IL1RAPL1: variants seen among roughly 807,000 people sequenced by gnomAD.
IL1RAPL1 encodes interleukin 1 receptor accessory protein like 1, also known as interleukin-1 receptor accessory protein-like 1.
Under a neutral mutation model 48.4 loss-of-function variants are expected in IL1RAPL1, and 3 were observed. That is an observed-to-expected ratio of 0.06 (90% CI 0.03 to 0.16). The LOEUF (loss-of-function observed/expected upper bound fraction) is 0.16. Ranked by LOEUF, IL1RAPL1 falls within the 10% of genes least tolerant of loss-of-function variation. The probability of loss-of-function intolerance (pLI) is 1.00; values close to 1 mark genes in which losing one functional copy is unlikely to be tolerated. For synonymous variants in IL1RAPL1, 185 were observed against 187.7 expected (o/e 0.99, Z 0.12); for missense variants, 349 against 530.6 (o/e 0.66, Z 3.36).
intron 6 of IL1RAPL1, among the ~76,000 whole-genome samples, chrX:29,874,032 A>C (rs1931855384): frequency 8.9e-6 from 1 of 111,797 alleles, no homozygotes; most frequent in South Asian, 3.7e-4. Context: ...TCTTCCCACT[A>C]ATTTGCTTGC....
chrX:29,907,233 GAC>G (rs942136518), intron 6 of IL1RAPL1, among the ~76,000 whole-genome samples: 17 of 110,776 alleles, frequency 1.5e-4, no homozygotes, highest in African/African-American at 5.2e-4. Context: ...AGCATACCCA[GAC>G]ACACATTAAA....
At position 29,603,416 on chromosome X, in the gene IL1RAPL1, A is replaced by G. The variant is rs764382112; in HGVS notation, c.704-65014A>G. 4.2e-4 allele frequency among the ~76,000 whole-genome samples: 47 copies of G among 112,251 alleles called. 1 individual carries two copies. The highest frequency in any genetic ancestry group is 3.8e-3 in the Admixed American group (40 of 10,550). On this transcript the variant is annotated intron_variant, in intron 5 of 10. Coordinates refer to ENST00000378993, the MANE Select transcript of IL1RAPL1 (RefSeq NM_014271.4). ...GAATCCCAAATAAATGCTGCAACTG[A>G]TAAGTGCATCATTGTTAGCTGATCT...
intron 5 of IL1RAPL1, among the ~76,000 whole-genome samples, chrX:29,482,591 A>G (rs2147747350): frequency 8.9e-6 from 1 of 112,792 alleles, no homozygotes; most frequent in Non-Finnish European, 1.9e-5. Context: ...TGGAATAAAC[A>G]TTCCTCATCA....
At chrX:28,990,270 A>G (rs1056446196) in intron 2 of IL1RAPL1, among the ~76,000 whole-genome samples, 1 of 111,805 alleles carries the variant, frequency 8.9e-6, no homozygotes, top group African/African-American at 3.2e-5. Context: ...AGTCTGTCCA[A>G]CTTCTGAGCC....
chrX:29,139,983 G>A (rs917904862), intron 2 of IL1RAPL1, among the ~76,000 whole-genome samples: 5 of 111,283 alleles, frequency 4.5e-5, no homozygotes, highest in East Asian at 2.8e-4. Context: ...GGTTTATTTC[G>A]CTCATGGTTC....
At chrX:29,705,955 A>C (rs1289424172) in intron 6 of IL1RAPL1, among the ~76,000 whole-genome samples, 1 of 112,720 alleles carries the variant, frequency 8.9e-6, no homozygotes, top group Non-Finnish European at 1.9e-5. Context: ...AATTTACAAA[A>C]GCAAAAGATT....
intron 2 of IL1RAPL1, among the ~76,000 whole-genome samples, chrX:29,027,364 G>A (rs1442564261): frequency 9.0e-6 from 1 of 111,477 alleles, no homozygotes; most frequent in African/African-American, 3.3e-5. Context: ...TCTTTTCTTG[G>A]CTTGATAGCT....
intron 2 of IL1RAPL1, among the ~76,000 whole-genome samples, chrX:29,041,192 C>T (rs1173022508): frequency 8.9e-6 from 1 of 111,810 alleles, no homozygotes; most frequent in East Asian, 2.8e-4. Context: ...ATTCTTTTCA[C>T]TTATAAAAAG....
intron 5 of IL1RAPL1, chrX:29,574,294 C>T (rs1369016077): frequency 9.2e-6 from 1 of 108,752 alleles, no homozygotes; most frequent in Non-Finnish European, 1.9e-5. Context: ...AATTGCATGT[C>T]AGATTGTAAT....
intron 5 of IL1RAPL1, among the ~76,000 whole-genome samples, chrX:29,643,096 G>T (rs1925214951): frequency 8.9e-6 from 1 of 112,228 alleles, no homozygotes; most frequent in Non-Finnish European, 1.9e-5. Flanking sequence ...TTTTAATGTG[G>T]CTAACATTGT....
intron 2 of IL1RAPL1, among the ~76,000 whole-genome samples, chrX:29,200,152 GA>G (rs55648143): frequency 9.5e-6 from 1 of 105,315 alleles, no homozygotes; most frequent in South Asian, 4.2e-4. Flanking sequence ...TGTGTAAAAA[GA>G]AAAAAAAAAT....
At chrX:28,941,108 G>A (rs1464439771) in intron 2 of IL1RAPL1, among the ~76,000 whole-genome samples, 1 of 110,826 alleles carries the variant, frequency 9.0e-6, no homozygotes, top group Non-Finnish European at 1.9e-5. Context: ...AAAAAAATTT[G>A]AAATTCTGTT....
intron 2 of IL1RAPL1, among the ~76,000 whole-genome samples, chrX:29,191,060 A>C (rs5985825): frequency 0.14 from 15,571 of 111,004 alleles, 1,060 homozygotes; most frequent in Non-Finnish European, 0.2. Flanking sequence ...GATTGTATAT[A>C]GTTAAGAAAC....
chrX:29,004,359 G>A (rs919237806), intron 2 of IL1RAPL1, among the ~76,000 whole-genome samples: 5 of 112,111 alleles, frequency 4.5e-5, no homozygotes, highest in Admixed American at 9.5e-5. Flanking sequence ...CAAAAATGTA[G>A]TTTGAGATCC....
intron 5 of IL1RAPL1, among the ~76,000 whole-genome samples, chrX:29,428,627 A>G (rs777939207): frequency 9.0e-6 from 1 of 111,707 alleles, no homozygotes; most frequent in South Asian, 3.8e-4. Context: ...ACTTTTTTGT[A>G]TTCCTGAAAC....
Position 28,794,755 on chromosome X carries a change from G to A in IL1RAPL1, c.82+5330G>A, listed in dbSNP as rs745666552. On this transcript the variant is annotated intron_variant, in intron 2 of 10. Transcript: ENST00000378993. The stretch of plus-strand genomic sequence containing the variant: ...TCTAGGCCCAAATAATTTATAAAAG[G>A]TAAGAGTAGTCAAATAACCAAAGAC... 9.8e-5 allele frequency among the ~76,000 whole-genome samples: 11 copies of A among 112,127 alleles called. 1 individual carries two copies. The East Asian group carries it at 3.1e-3, about 31-fold the overall frequency.
intron 8 of IL1RAPL1, among the ~76,000 whole-genome samples, chrX:29,929,217 TATGA>T (rs1415631587): frequency 2.7e-5 from 3 of 111,495 alleles, no homozygotes; most frequent in Non-Finnish European, 3.8e-5. Context: ...CGAAATTTGA[TATGA>T]ATGAGAATTG....
intron 6 of IL1RAPL1, among the ~76,000 whole-genome samples, chrX:29,819,343 G>A (rs1262558246): frequency 9.0e-6 from 1 of 110,932 alleles, no homozygotes; most frequent in Non-Finnish European, 1.9e-5. Context: ...GAAAAAAGAC[G>A]TTAACTAGAG....
At chrX:28,944,402 C>G (rs777216737) in intron 2 of IL1RAPL1, among the ~76,000 whole-genome samples, 9 of 110,670 alleles carry the variant, frequency 8.1e-5, no homozygotes, top group African/African-American at 2.9e-4. Flanking sequence ...TTTTATGAAC[C>G]GATCTCATAT....
Sources: gnomAD v4.1 joint callset for allele counts (sites outside exome capture counted in the v4.1 genomes callset) on GRCh38, gnomAD v4.1.1 for gene constraint, MANE v1.5 for transcripts, NCBI Gene and HGNC (gene_info 2026-07-23, HGNC 2026-07-21) for gene names.